The following LONP1 variants were observed in gnomAD, a reference collection of about 807,000 sequenced individuals.
The protein encoded by LONP1 is lon peptidase 1, mitochondrial, also known as lon protease homolog, mitochondrial.
Under a neutral mutation model 98.5 loss-of-function variants are expected in LONP1, and 31 were observed. The observed-to-expected ratio is 0.31, with a 90% CI of 0.24 to 0.42. The LOEUF (loss-of-function observed/expected upper bound fraction) is 0.42, where lower values mean the gene tolerates loss of function less well. LONP1 is among the 20% of genes least tolerant of loss of function. The pLI is 1.00. For missense variants in LONP1, 1,336 were observed against 1,350.6 expected, an observed-to-expected ratio of 0.99 and a Z score of 0.17; for synonymous variants, 781 against 594.7, an observed-to-expected ratio of 1.31 and a Z score of -4.56.
At chr19:5,717,007 T>G (rs933651006) in intron 1 of LONP1, among the ~76,000 whole-genome samples, 2 of 152,082 alleles carry the variant, frequency 1.3e-5, no homozygotes, top group South Asian at 2.1e-4. Context: ...TGTTAGCCAG[T>G]ATGGTCTCGA....
chr19:5,717,875 C>T (rs544761920), intron 1 of LONP1, among the ~76,000 whole-genome samples: 7 of 150,686 alleles, frequency 4.6e-5, no homozygotes, highest in Non-Finnish European at 8.9e-5. Context: ...CCACTGTGCC[C>T]GGCTTTTCTT....
intron 10 of LONP1, among the ~76,000 whole-genome samples, chr19:5,697,818 C>T (rs970254160): frequency 6.6e-6 from 1 of 152,078 alleles, no homozygotes; most frequent in African/African-American, 2.4e-5. Context: ...AGCCCCGCTA[C>T]CTGGTGACTC....
At chr19:5,704,003 C>T (rs776114701) in intron 8 of LONP1, among the ~76,000 whole-genome samples, 21 of 152,184 alleles carry the variant, frequency 1.4e-4, no homozygotes, top group African/African-American at 1.2e-4. Context: ...CAGGAGGCGG[C>T]GGCACAGGCC....
intron 17 of LONP1, 128 bp from the exon 18 acceptor site, chr19:5,692,336 T>TC: frequency 1.2e-6 from 1 of 868,902 alleles, no homozygotes; most frequent in Non-Finnish European, 1.7e-6. Context: ...AAGCAGTAAG[T>TC]CCCAAAACCC....
At position 5,719,927 on chromosome 19, in the gene LONP1, CA is replaced by C; in HGVS notation, c.205del (p.Trp69GlyfsTer41). 6.4e-7 allele frequency: 1 copy of C among 1,553,640 alleles called. No homozygotes were observed. The highest frequency in any genetic ancestry group is 8.7e-7 in the Non-Finnish European group (1 of 1,150,278). ...GCCTCCGCCGCGGCTGCTCGCTTCC[CA>C]AAACCCCCGCCATTGGCCCCCAATT... is the stretch of plus-strand genomic sequence containing the variant. ...PAIGGQWRGF[W>X]EASSRGGGAF... On this transcript the variant is annotated frameshift_variant, in exon 1 of 18. Coordinates refer to ENST00000360614, the MANE Select transcript of LONP1 (RefSeq NM_004793.4). LOFTEE classifies it high-confidence loss of function.
At chr19:5,699,895 C>T (rs140415121) in intron 9 of LONP1, among the ~76,000 whole-genome samples, 209 of 152,086 alleles carry the variant, frequency 1.4e-3, no homozygotes, top group African/African-American at 4.5e-3. Context: ...TCCCACCTGC[C>T]TGCCTGGTTT....
Position 5,693,727 on chromosome 19 carries a change from T to C in LONP1, c.2363A>G (p.Gln788Arg), listed in dbSNP as rs2054873994. ...LFVETSLRRP[Q>R]DKDAKGDKDG... is the part of the protein sequence containing the mutation. ...CTTGTCACCCTTGGCATCCTTGTCC[T>C]GTGGCCGTCTCAGGGATGTCTCCAC... is the stretch of plus-strand genomic sequence containing the variant. Residue 788 changes from glutamine to arginine, a missense_variant, in exon 16 of 18, where the codon CAG becomes CGG. By Grantham distance (43) the Gln-to-Arg change is conservative. Transcript: ENST00000360614. The C allele has an allele frequency of 1.2e-6, 2 of 1,613,956 alleles. No homozygotes were observed. Among genetic ancestry groups the C allele is most frequent in the African/African-American group, 1.3e-5 (1 of 74,920 alleles).
intron 1 of LONP1, among the ~76,000 whole-genome samples, chr19:5,716,373 C>A (rs890283827): frequency 1.4e-5 from 2 of 145,940 alleles, no homozygotes; most frequent in Non-Finnish European, 3.0e-5. Flanking sequence ...CTGGGCCCCA[C>A]CCTTGGAGTT....
At chr19:5,696,640 T>C (rs185333714) in intron 11 of LONP1, 30 bp downstream of exon 11, 7 of 1,541,430 alleles carry the variant, frequency 4.5e-6, no homozygotes, top group Non-Finnish European at 6.2e-6. Context: ...ATTGCCGGGT[T>C]AGGGGGTCTC....
intron 4 of LONP1, chr19:5,708,784 C>G (rs373173080): frequency 5.8e-6 from 1 of 171,892 alleles, no homozygotes; most frequent in Non-Finnish European, 1.3e-5. Context: ...GAGGCCGAGG[C>G]GGGTGGATCA....
At chr19:5,715,643 T>TAAAAAAAAAA (rs527565499) in intron 1 of LONP1, among the ~76,000 whole-genome samples, 2 of 31,098 alleles carry the variant, frequency 6.4e-5, no homozygotes, top group Non-Finnish European at 1.1e-4. Context: ...CTCTGTCTCA[T>TAAAAAAAAAA]AAAAAAAAAA....
intron 6 of LONP1, 25 bp from the exon 7 acceptor site, chr19:5,707,168 G>A: frequency 4.4e-6 from 7 of 1,602,266 alleles, no homozygotes; most frequent in South Asian, 1.1e-5. Flanking sequence ...AGGACAGAAA[G>A]GATGAGCAGA....
In LONP1 at chr19:5,693,451, G is replaced by C. The variant is rs770074394; in HGVS notation, c.2550C>G (p.Pro850=). ...TGCAGCCTGCGCTTGGGCCGTCCTT[G>C]GGGGTGGCGCCCTGTGGAGGCATGT... ...IHLHVPEGAT[P]KDGPSAGCTI... Residue 850 remains proline (P), a synonymous_variant, in exon 17 of 18, where the codon CCC becomes CCG. Transcript: ENST00000360614. 1.4e-5 allele frequency: 22 copies of C among 1,611,228 alleles called. No individual in the cohort carries two copies. In the Middle Eastern group the frequency reaches 8.2e-4, roughly 60 times the overall value.
At chr19:5,705,445 G>A (rs1021015582) in intron 8 of LONP1, among the ~76,000 whole-genome samples, 12 of 135,872 alleles carry the variant, frequency 8.8e-5, no homozygotes, top group African/African-American at 1.4e-4. Flanking sequence ...ACAACTGAGC[G>A]AGACTCCATT....
At chr19:5,698,907 T>C in intron 10 of LONP1, 120 bp downstream of exon 10, 8 of 1,034,238 alleles carry the variant, frequency 7.7e-6, no homozygotes, top group Non-Finnish European at 1.1e-5. Flanking sequence ...CCAGCATGAG[T>C]GGAATCGGTT....
chr19:5,716,012 G>A (rs751675164), intron 1 of LONP1, among the ~76,000 whole-genome samples: 4 of 151,672 alleles, frequency 2.6e-5, no homozygotes, highest in African/African-American at 7.3e-5. Flanking sequence ...ATTTGAAGGC[G>A]CAAGGAGCTC....
At chr19:5,697,732 CGCCCCGCA>C (rs2054965836) in intron 10 of LONP1, among the ~76,000 whole-genome samples, 1 of 150,106 alleles carries the variant, frequency 6.7e-6, no homozygotes, top group Non-Finnish European at 1.5e-5. Flanking sequence ...AACGATCCAT[CGCCCCGCA>C]GCCAGTCTCC....
intron 13 of LONP1, among the ~76,000 whole-genome samples, chr19:5,695,432 G>A (rs2054908402): frequency 6.6e-6 from 1 of 152,002 alleles, no homozygotes; most frequent in Non-Finnish European, 1.5e-5. Context: ...GGGTCCCCAT[G>A]CCCCCCAGTC....
In LONP1 at chr19:5,694,539, G is replaced by A. The variant is rs763812313; in HGVS notation, c.2168C>T (p.Ser723Leu). Residue 723 changes from serine (S) to leucine (L), a missense_variant, in exon 15 of 18, where the codon TCG (serine) becomes TTG (leucine). Around this residue, in one of 5 missense-constraint regions of LONP1, gnomAD observed 555 missense variants for 542.6 expected, o/e 1.02. Transcript: ENST00000360614. Reference sequence around the variant, plus strand: ...CTCGCCGCTGACAATCTTGTAGGCCGATTTCCGTAACACCTGGGCGGTCAG... The same window carrying A: ...CTCGCCGCTGACAATCTTGTAGGCCAATTTCCGTAACACCTGGGCGGTCAG... ...QKQVEKVLRK[S>L]AYKIVSGEAE... The A allele has an allele frequency of 9.3e-6, 15 of 1,612,704 alleles. No individual in the cohort carries two copies. The highest frequency in any genetic ancestry group is 4.5e-5 in the East Asian group (2 of 44,888).
Sources: allele counts gnomAD v4.1 joint callset (sites outside exome capture counted in the v4.1 genomes callset), GRCh38; gene constraint gnomAD v4.1.1; regional missense constraint gnomAD v4.1.1; transcripts MANE v1.5; gene names NCBI Gene and HGNC (gene_info 2026-07-23, HGNC 2026-07-21).